LRRC3B: variants seen among roughly 807,000 people sequenced by gnomAD.
LRRC3B encodes leucine-rich repeat-containing protein 3B.
LRRC3B carries 2 observed loss-of-function variants against 12.8 expected under a neutral mutation model. The observed-to-expected ratio is 0.16, with a 90% CI of 0.06 to 0.49. LRRC3B has a LOEUF of 0.49. LRRC3B is among the 20% of genes least tolerant of loss of function. LRRC3B has a pLI of 0.96. For missense variants in LRRC3B, 189 were observed against 319.4 expected (o/e 0.59, Z 3.11); for synonymous variants, 132 against 122.0 (o/e 1.08, Z -0.54).
intron 1 of LRRC3B, among the ~76,000 whole-genome samples, chr3:26,634,103 A>T (rs778186974): frequency 6.6e-6 from 1 of 152,190 alleles, no homozygotes; most frequent in Non-Finnish European, 1.5e-5. Flanking sequence ...TAAGCTCTGC[A>T]ATTGAAATTT....
At chr3:26,655,170 T>C (rs1286011396) in intron 1 of LRRC3B, among the ~76,000 whole-genome samples, 3 of 152,114 alleles carry the variant, frequency 2.0e-5, no homozygotes, top group Non-Finnish European at 4.4e-5. Context: ...ACCATAAAAA[T>C]AAAAATTGTT....
At position 26,626,145 on chromosome 3, in the gene LRRC3B, A is replaced by G. The variant is rs148563812; in HGVS notation, c.-161+2908A>G. 3.9e-5 allele frequency among the ~76,000 whole-genome samples: 6 copies of G among 152,354 alleles called. No individual in the cohort carries two copies. In the East Asian group the frequency reaches 9.7e-4, roughly 25 times the overall value. ...CTAGAGTATTAGGGAGACTGATGTT[A>G]CATATCGCCTGTCTCAAAGTTTGTT... On this transcript the variant is annotated intron_variant, in intron 1 of 1. Coordinates refer to ENST00000396641, the Ensembl canonical transcript of LRRC3B.
intron 1 of LRRC3B, among the ~76,000 whole-genome samples, chr3:26,682,079 C>CCT (rs1443216778): frequency 6.6e-6 from 1 of 151,068 alleles, no homozygotes. Flanking sequence ...GTGGTCTCTC[C>CCT]CTCTCTCTCT....
intron 1 of LRRC3B, among the ~76,000 whole-genome samples, chr3:26,701,725 G>C (rs1219686275): frequency 6.6e-6 from 1 of 152,062 alleles, no homozygotes; most frequent in Non-Finnish European, 1.5e-5. Flanking sequence ...AACTCCAGGG[G>C]TCATGTACTA....
intron 1 of LRRC3B, among the ~76,000 whole-genome samples, chr3:26,671,373 T>TATATATATAGAGAGAGAGAGAGAG (rs1261897533): frequency 3.2e-4 from 9 of 28,254 alleles, no homozygotes; most frequent in African/African-American, 7.3e-4. Context: ...TATATATATA[T>TATATATATAGAGAGAGAGAGAGAG]AGAGAGAGAG....
intron 1 of LRRC3B, among the ~76,000 whole-genome samples, chr3:26,683,212 C>T (rs937843745): frequency 6.6e-6 from 1 of 152,148 alleles, no homozygotes; most frequent in African/African-American, 2.4e-5. Context: ...AGTTTAAAAT[C>T]ACACTACAGG....
intron 1 of LRRC3B, among the ~76,000 whole-genome samples, chr3:26,656,158 G>GTGCTGC (rs753547532): frequency 6.6e-6 from 1 of 152,126 alleles, no homozygotes; most frequent in Non-Finnish European, 1.5e-5. Flanking sequence ...AGGTATATTG[G>GTGCTGC]TGCTGCTGCT....
At chr3:26,628,098 A>G (rs1245717192) in intron 1 of LRRC3B, among the ~76,000 whole-genome samples, 1 of 152,176 alleles carries the variant, frequency 6.6e-6, no homozygotes, top group Non-Finnish European at 1.5e-5. Flanking sequence ...GTGCAATATC[A>G]AAAGTCCCAC....
intron 1 of LRRC3B, among the ~76,000 whole-genome samples, chr3:26,682,768 T>A (rs1169279519): frequency 6.6e-6 from 1 of 152,178 alleles, no homozygotes; most frequent in African/African-American, 2.4e-5. Context: ...GTCTTCCCCT[T>A]CCCATTGCAT....
intron 1 of LRRC3B, among the ~76,000 whole-genome samples, chr3:26,631,009 T>C (rs758870706): frequency 1.6e-4 from 24 of 152,208 alleles, no homozygotes; most frequent in Non-Finnish European, 3.4e-4. Flanking sequence ...TTTTCACTTC[T>C]CTGGCTCAGG....
chr3:26,653,625 A>G (rs1323821702), intron 1 of LRRC3B, among the ~76,000 whole-genome samples: 2 of 152,194 alleles, frequency 1.3e-5, no homozygotes, highest in Non-Finnish European at 2.9e-5. Flanking sequence ...ACAGTAAGAT[A>G]ACCTGAAGTC....
chr3:26,678,858 A>G (rs769005353), intron 1 of LRRC3B, among the ~76,000 whole-genome samples: 5 of 152,170 alleles, frequency 3.3e-5, no homozygotes, highest in African/African-American at 4.8e-5. Flanking sequence ...AGTGCTTTCC[A>G]TGGGAAAGAT....
chr3:26,665,667 A>G (rs191021956), intron 1 of LRRC3B, among the ~76,000 whole-genome samples: 3 of 152,296 alleles, frequency 2.0e-5, no homozygotes, highest in Non-Finnish European at 2.9e-5. Flanking sequence ...AAAATAAATT[A>G]TCTTCTTGAT....
intron 1 of LRRC3B, among the ~76,000 whole-genome samples, chr3:26,655,375 G>A: frequency 6.6e-6 from 1 of 152,170 alleles, no homozygotes; most frequent in Admixed American, 6.5e-5. Flanking sequence ...GTTAAAGCCT[G>A]TGAGAGGCAC....
chr3:26,659,663 G>A (rs1699452798), intron 1 of LRRC3B, among the ~76,000 whole-genome samples: 2 of 151,736 alleles, frequency 1.3e-5, no homozygotes, highest in South Asian at 4.2e-4. Context: ...GTTTTGCCTG[G>A]GACACACACA....
intron 1 of LRRC3B, among the ~76,000 whole-genome samples, chr3:26,636,219 A>C (rs1032787763): frequency 6.6e-6 from 1 of 151,576 alleles, no homozygotes; most frequent in Non-Finnish European, 1.5e-5. Flanking sequence ...TGAGTTTAGT[A>C]AAATAAAGAA....
At chr3:26,699,850 G>A (rs1700410193) in intron 1 of LRRC3B, among the ~76,000 whole-genome samples, 1 of 152,158 alleles carries the variant, frequency 6.6e-6, no homozygotes, top group African/African-American at 2.4e-5. Context: ...CTTGCAACAT[G>A]TTGCATAATA....
intron 1 of LRRC3B, among the ~76,000 whole-genome samples, chr3:26,641,975 AGGT>A (rs753843144): frequency 4.6e-5 from 7 of 152,192 alleles, no homozygotes; most frequent in Non-Finnish European, 8.8e-5. Flanking sequence ...TAATTGAAAA[AGGT>A]AAGCCTATCA....
intron 1 of LRRC3B, among the ~76,000 whole-genome samples, chr3:26,669,916 C>G (rs1285946434): frequency 6.6e-6 from 1 of 152,208 alleles, no homozygotes; most frequent in Non-Finnish European, 1.5e-5. Flanking sequence ...AGGTGAGAGT[C>G]CTCCTTATCC....
Sources: gnomAD v4.1 joint callset for allele counts (sites outside exome capture counted in the v4.1 genomes callset) on GRCh38, gnomAD v4.1.1 for gene constraint, MANE v1.5 for transcripts, NCBI Gene and HGNC (gene_info 2026-07-23, HGNC 2026-07-21) for gene names.